MDH2: variants seen among roughly 807,000 people sequenced by gnomAD.
MDH2 encodes the protein malate dehydrogenase 2, also known as malate dehydrogenase, mitochondrial.
Under a neutral mutation model 33.6 loss-of-function variants are expected in MDH2, and 25 were observed. The ratio of observed to expected loss-of-function variants is 0.74; its 90% CI spans 0.54 to 1.04. The LOEUF is 1.04. Ranked by LOEUF, MDH2 falls within the 50% of genes least tolerant of loss-of-function variation. The pLI is 0.00. For synonymous variants in MDH2, 193 were observed against 188.7 expected (o/e 1.02, Z -0.19); for missense variants, 432 against 445.0 (o/e 0.97, Z 0.26).
chr7:76,062,704 C>T (rs781926604), intron 5 of MDH2, among the ~76,000 whole-genome samples: 9 of 152,200 alleles, frequency 5.9e-5, no homozygotes, highest in East Asian at 1.9e-4. Flanking sequence ...GGCTTGAGCC[C>T]GGGAGTTCAG....
At position 76,058,034 on chromosome 7, in the gene MDH2, G is replaced by T; in HGVS notation, c.385G>T (p.Ala129Ser). 6.2e-7 allele frequency: 1 copy of T among 1,613,824 alleles called. No homozygotes were observed. Among genetic ancestry groups the T allele is most frequent in the Non-Finnish European group, 8.5e-7 (1 of 1,180,040 alleles). ...TGTGGCCACCCTGACCGCTGCCTGT[G>T]CCCAGCACTGCCCGGAAGCCATGAT... ...TIVATLTAAC[A>S]QHCPEAMICV... The change falls in exon 4 of 9, where the codon GCC becomes TCC. Residue 129 changes from alanine (A) to serine (S), a missense_variant. By Grantham distance (99) the Ala-to-Ser change is moderately conservative. Coordinates refer to ENST00000315758, the MANE Select transcript of MDH2 (RefSeq NM_005918.4).
rs192968270 is a variant in MDH2, at chr7:76,058,408, T to C, written c.429+330T>C. ...TTTCAGCCGTGATTGTGGTGGTCTC[T>C]TGATTCCCTTTTTGACACAGTAGCT... On this transcript the variant is annotated intron_variant, in intron 4 of 8. Coordinates refer to ENST00000315758, the MANE Select transcript of MDH2 (RefSeq NM_005918.4). 5.9e-5 allele frequency among the ~76,000 whole-genome samples: 9 copies of C among 152,320 alleles called. No individual in the cohort carries two copies. The East Asian group carries it at 1.5e-3, about 26-fold the overall frequency.
At chr7:76,049,600 CAG>C (rs1336586504) in intron 1 of MDH2, among the ~76,000 whole-genome samples, 29 of 152,114 alleles carry the variant, frequency 1.9e-4, no homozygotes, top group Middle Eastern at 3.4e-3. Flanking sequence ...AAAGAGAGGA[CAG>C]GGGTGTCCAG....
intron 1 of MDH2, among the ~76,000 whole-genome samples, chr7:76,051,385 G>A (rs112525432): frequency 0.18 from 26,255 of 149,366 alleles, 2,598 homozygotes; most frequent in East Asian, 0.29. Flanking sequence ...GCAATGGTGC[G>A]ATCTCAGCTC....
At chr7:76,048,392 G>A in intron 1 of MDH2, 166 bp downstream of exon 1, 1 of 1,171,244 alleles carries the variant, frequency 8.5e-7, no homozygotes, top group Non-Finnish European at 1.1e-6. Context: ...ACACTGGCCT[G>A]GAGGTGCGGG....
intron 2 of MDH2, 95 bp from the exon 3 acceptor site, chr7:76,057,315 C>T (rs1032431298): frequency 5.5e-6 from 7 of 1,276,532 alleles, no homozygotes; most frequent in South Asian, 4.0e-5. Context: ...TAGCCTTTCT[C>T]GAGGCCATTA....
intron 1 of MDH2, among the ~76,000 whole-genome samples, chr7:76,050,658 A>G (rs1797594581): frequency 1.3e-5 from 2 of 152,182 alleles, no homozygotes; most frequent in South Asian, 4.1e-4. Context: ...AGATGGTCTT[A>G]GGAGTGAGAG....
intron 1 of MDH2, among the ~76,000 whole-genome samples, chr7:76,049,962 G>C (rs1797564854): frequency 6.6e-6 from 1 of 152,180 alleles, no homozygotes; most frequent in Non-Finnish European, 1.5e-5. Context: ...CTCCCGAATA[G>C]CTGGGACTAC....
intron 8 of MDH2, 81 bp from the exon 9 acceptor site, chr7:76,066,198 G>T: frequency 6.5e-7 from 1 of 1,542,746 alleles, no homozygotes; most frequent in East Asian, 2.3e-5. Flanking sequence ...CCTCGGCAGG[G>T]CTGATGGAGC....
chr7:76,064,924 A>C lies in MDH2; in HGVS notation c.856A>C (p.Thr286Pro). Reference sequence around the variant, plus strand: ...CGTTAAGTCACAGGAAACGGAATGTACCTACTTCTCCACACCGCTGCTGCT... The same window carrying C: ...CGTTAAGTCACAGGAAACGGAATGTCCCTACTTCTCCACACCGCTGCTGCT... Reference protein sequence around the residue: ...SFVKSQETECTYFSTPLLLGK... With the variant: ...SFVKSQETECPYFSTPLLLGK... The change falls in exon 8 of 9, where the codon ACC (threonine) becomes CCC (proline). Residue 286 changes from threonine to proline, a missense_variant. Thr to Pro is a conservative substitution (Grantham distance 38). Coordinates refer to ENST00000315758, the MANE Select transcript of MDH2 (RefSeq NM_005918.4). 6.2e-7 allele frequency: 1 copy of C among 1,614,106 alleles called. No individual in the cohort carries two copies. Among genetic ancestry groups the C allele is most frequent in the African/African-American group, 1.3e-5 (1 of 75,018 alleles).
intron 4 of MDH2, among the ~76,000 whole-genome samples, chr7:76,059,457 C>T (rs559082452): frequency 2.0e-5 from 3 of 152,364 alleles, no homozygotes; most frequent in East Asian, 1.9e-4. Context: ...CCCCAGGCCC[C>T]ACTCACTGGT....
At chr7:76,059,970 A>G (rs1197845275) in intron 4 of MDH2, among the ~76,000 whole-genome samples, 1 of 152,190 alleles carries the variant, frequency 6.6e-6, no homozygotes, top group Admixed American at 6.5e-5. Flanking sequence ...TGACCTGCCC[A>G]GGGTCATAGC....
intron 1 of MDH2, among the ~76,000 whole-genome samples, chr7:76,050,231 T>C (rs1388105732): frequency 3.3e-5 from 5 of 152,220 alleles, no homozygotes; most frequent in South Asian, 2.1e-4. Flanking sequence ...GGTTTCACCA[T>C]GTTGGCCAGG....
intron 2 of MDH2, 68 bp from the exon 3 acceptor site, chr7:76,057,342 G>A: frequency 5.7e-6 from 9 of 1,578,386 alleles, no homozygotes; most frequent in Non-Finnish European, 7.8e-6. Flanking sequence ...CTTAAGGCCA[G>A]GGCTGAACTT....
At chr7:76,063,392 A>T in intron 5 of MDH2, 123 bp from the exon 6 acceptor site, 1 of 871,040 alleles carries the variant, frequency 1.1e-6, no homozygotes, top group Non-Finnish European at 1.9e-6. Flanking sequence ...GCCTCCTCCT[A>T]GCTGGCTCTG....
At chr7:76,051,854 A>G (rs181668479) in intron 1 of MDH2, among the ~76,000 whole-genome samples, 108 of 152,312 alleles carry the variant, frequency 7.1e-4, no homozygotes, top group African/African-American at 2.2e-3. Flanking sequence ...GCCACCCAGC[A>G]AAGGTCAGCG....
intron 6 of MDH2, 54 bp downstream of exon 6, chr7:76,063,646 G>A (rs1010928729): frequency 1.9e-6 from 3 of 1,560,204 alleles, no homozygotes; most frequent in Non-Finnish European, 2.7e-6. Flanking sequence ...CCTTTACCAG[G>A]CCCTGCTTTG....
chr7:76,057,460 G>C lies in MDH2; in HGVS notation c.286G>C (p.Val96Leu). ...TGACTGCCTGAAAGGTTGTGATGTG[G>C]TAGTTATTCCGGCTGGAGTCCCCAG... ...LPDCLKGCDV[V>L]VIPAGVPRKP... is the part of the protein sequence containing the mutation. Residue 96 changes from valine to leucine, a missense_variant, in exon 3 of 9, where the codon GTA (valine) becomes CTA (leucine). Transcript: ENST00000315758. The C allele has an allele frequency of 6.2e-7, 1 of 1,614,192 alleles. No individual in the cohort carries two copies. Among genetic ancestry groups the C allele is most frequent in the South Asian group, 1.1e-5 (1 of 91,082 alleles).
intron 1 of MDH2, among the ~76,000 whole-genome samples, chr7:76,050,930 G>A (rs1554585328): frequency 6.6e-6 from 1 of 152,212 alleles, no homozygotes; most frequent in African/African-American, 2.4e-5. Flanking sequence ...TGCCCAGGCT[G>A]GAGTACAGTG....
Sources: gnomAD v4.1 joint callset for allele counts (sites outside exome capture counted in the v4.1 genomes callset) on GRCh38, gnomAD v4.1.1 for gene constraint, MANE v1.5 for transcripts, NCBI Gene and HGNC (gene_info 2026-07-23, HGNC 2026-07-21) for gene names.